LAMC3: variants seen among roughly 807,000 people sequenced by gnomAD.
LAMC3 encodes laminin subunit gamma 3, also known as laminin subunit gamma-3.
LAMC3 carries 128 observed loss-of-function variants against 173.8 expected under a neutral mutation model. The ratio of observed to expected loss-of-function variants is 0.74; its 90% CI spans 0.64 to 0.85. The LOEUF (loss-of-function observed/expected upper bound fraction) is 0.85, where lower values mean the gene tolerates loss of function less well. LAMC3 is among the 40% of genes least tolerant of loss of function. LAMC3 has a pLI of 0.00. For missense variants in LAMC3, 2,022 were observed against 2,156.0 expected (o/e 0.94, Z 1.23); for synonymous variants, 897 against 909.1 (o/e 0.99, Z 0.24).
intron 25 of LAMC3, 30 bp downstream of exon 25, chr9:131,085,753 C>T (rs866312130): frequency 6.2e-7 from 1 of 1,607,326 alleles, no homozygotes; most frequent in Non-Finnish European, 8.5e-7. Flanking sequence ...CAACAGTGGC[C>T]TCCTTCCCTC....
intron 2 of LAMC3, among the ~76,000 whole-genome samples, chr9:131,027,878 G>A (rs774597648): frequency 2.0e-5 from 3 of 152,220 alleles, no homozygotes; most frequent in South Asian, 2.1e-4. Context: ...TTCAGCCCAC[G>A]TAGGTCCACC....
At chr9:131,049,198 G>C in intron 9 of LAMC3, 68 bp downstream of exon 9, 1 of 891,184 alleles carries the variant, frequency 1.1e-6, no homozygotes, top group Non-Finnish European at 1.8e-6. Context: ...ACAACTTGCC[G>C]CATATTAGAG....
chr9:131,053,778 A>G (rs1834343426), intron 11 of LAMC3, among the ~76,000 whole-genome samples: 1 of 150,784 alleles, frequency 6.6e-6, no homozygotes, highest in African/African-American at 2.5e-5. Context: ...GGTTGTAGTG[A>G]GCCAAGATTG....
chr9:131,055,138 T>G (rs1415750872), intron 11 of LAMC3, among the ~76,000 whole-genome samples: 1 of 152,166 alleles, frequency 6.6e-6, no homozygotes, highest in East Asian at 1.9e-4. Flanking sequence ...AGTGTCGCTT[T>G]AGGACAGAGT....
intron 1 of LAMC3, among the ~76,000 whole-genome samples, chr9:131,012,514 C>T (rs869936): frequency 0.27 from 41,275 of 152,236 alleles, 6,559 homozygotes; most frequent in East Asian, 0.63. Flanking sequence ...GGCCGCCCTG[C>T]CTCCTCAAAG....
intron 1 of LAMC3, among the ~76,000 whole-genome samples, chr9:131,011,153 C>T (rs919073479): frequency 1.3e-5 from 2 of 152,170 alleles, no homozygotes; most frequent in Non-Finnish European, 2.9e-5. Context: ...TGAGTACAGC[C>T]GGCAGCCCCA....
Position 131,009,929 on chromosome 9 carries a change from G to C in LAMC3, c.373+342G>C, listed in dbSNP as rs1038030424. Among the ~76,000 whole-genome samples the C allele has an allele frequency of 3.9e-5, 6 of 151,920 alleles. No homozygotes were observed. Among genetic ancestry groups the C allele is most frequent in the African/African-American group, 9.7e-5 (4 of 41,360 alleles). On this transcript the variant is annotated intron_variant, in intron 1 of 27. Transcript: ENST00000361069. The surrounding 1 kb of genome is among the most constrained non-coding windows in gnomAD (Gnocchi z 4.3). Reference sequence around the variant, plus strand: ...AGCACTTTGGGAGGCCGAGGCGGGCGGATCACCTGAGGTCAGGAGTTCGAG... The same window carrying C: ...AGCACTTTGGGAGGCCGAGGCGGGCCGATCACCTGAGGTCAGGAGTTCGAG...
At chr9:131,047,165 C>CTTTTTTTTTTTTTTTTTTTGTTTTTTT (rs398012456) in intron 8 of LAMC3, among the ~76,000 whole-genome samples, 1 of 102,164 alleles carries the variant, frequency 9.8e-6, no homozygotes, top group Non-Finnish European at 1.9e-5. Context: ...CTGAATTCCT[C>CTTTTTTTTTTTTTTTTTTTGTTTTTTT]TTTTTTTTTT....
rs563543150 is a variant in LAMC3 at position 131,010,831 on chromosome 9, TC to T, written c.373+1245del. On this transcript the variant is annotated intron_variant, in intron 1 of 27. Transcript: ENST00000361069. Reference sequence around the variant, plus strand: ...TCTGGAGTCTGGACCCAGCCCCGGTTCTCAGCCCCTGCCCCCACTGCAGGGA... The same window carrying T: ...TCTGGAGTCTGGACCCAGCCCCGGTTTCAGCCCCTGCCCCCACTGCAGGGA... Among the ~76,000 whole-genome samples the T allele has an allele frequency of 1.2e-3, 185 of 152,302 alleles. 1 individual carries two copies. The highest frequency in any genetic ancestry group is 4.2e-3 in the African/African-American group (175 of 41,574).
At chr9:131,090,446 C>T (rs964904950) in intron 27 of LAMC3, among the ~76,000 whole-genome samples, 1 of 152,298 alleles carries the variant, frequency 6.6e-6, no homozygotes, top group African/African-American at 2.4e-5. Context: ...TGCTGTGGGC[C>T]ATGGGGCCTC....
At chr9:131,049,165 G>T (rs1440290461) in intron 9 of LAMC3, 35 bp downstream of exon 9, 8 of 1,266,510 alleles carry the variant, frequency 6.3e-6, no homozygotes, top group African/African-American at 1.5e-5. Flanking sequence ...TGGCCGCCCT[G>T]TGTCGGTTCC....
At chr9:131,073,751 A>G (rs950531279) in intron 20 of LAMC3, among the ~76,000 whole-genome samples, 2 of 151,904 alleles carry the variant, frequency 1.3e-5, no homozygotes, top group South Asian at 4.1e-4. Context: ...CATCATCCCA[A>G]AAACAAACCC....
intron 1 of LAMC3, among the ~76,000 whole-genome samples, chr9:131,021,913 C>T (rs1833632614): frequency 6.6e-6 from 1 of 152,178 alleles, no homozygotes; most frequent in African/African-American, 2.4e-5. Context: ...CGGGAGCTTC[C>T]ATGCCCTCCC....
chr9:131,010,225 T>C (rs1423539804), intron 1 of LAMC3, among the ~76,000 whole-genome samples: 2 of 149,254 alleles, frequency 1.3e-5, no homozygotes, highest in Non-Finnish European at 3.0e-5. Context: ...CTCAAGAGGC[T>C]GAGGCAGGAG....
rs1830035361 is a variant in LAMC3, at chr9:131,071,509, C to T, written c.3095C>T (p.Thr1032Ile). 8 of 1,613,920 alleles carry T rather than the reference C, an allele frequency of 5.0e-6. No homozygotes were observed. The highest frequency in any genetic ancestry group is 6.8e-6 in the Non-Finnish European group (8 of 1,179,914). ...EEAAKLKARLTLTEGWLQGSD... is the reference protein window; with the variant it reads ...EEAAKLKARLILTEGWLQGSD... ...GCAGCCAAGCTGAAGGCCAGACTGA[C>T]TTTGACGGAGGGGTGGCTCCAAGGG... Residue 1032 changes from threonine to isoleucine, a missense_variant, in exon 18 of 28, where the codon ACT becomes ATT. Physicochemically the swap from Thr to Ile is moderately conservative, Grantham distance 89 (BLOSUM62 -1). Transcript: ENST00000361069.
intron 8 of LAMC3, among the ~76,000 whole-genome samples, chr9:131,046,676 T>C (rs1834169051): frequency 6.6e-6 from 1 of 151,694 alleles, no homozygotes; most frequent in Non-Finnish European, 1.5e-5. Flanking sequence ...CCTTAACCGC[T>C]GTGGTGGCCT....
At chr9:131,016,108 G>A (rs1331045072) in intron 1 of LAMC3, among the ~76,000 whole-genome samples, 3 of 152,154 alleles carry the variant, frequency 2.0e-5, no homozygotes, top group African/African-American at 7.2e-5. Context: ...CAGTATAGAC[G>A]AACCCTGAGG....
rs750245538 is a variant in LAMC3 at position 131,032,134 on chromosome 9, G to T, written c.768G>T (p.Gln256His). The change falls in exon 3 of 28, where the codon CAG becomes CAT. Residue 256 changes from glutamine (Q) to histidine (H), a missense_variant. Transcript: ENST00000361069. ...TCTTCAAGGACCCCAAGGTGCTCCA[G>T]TCCTACTATTATGCCGTGTCCGACT... is the stretch of plus-strand genomic sequence containing the variant. ...DDIFKDPKVL[Q>H]SYYYAVSDFS... 2 of 1,613,900 alleles carry T rather than the reference G, an allele frequency of 1.2e-6. No homozygotes were observed. The highest frequency in any genetic ancestry group is 1.7e-6 in the Non-Finnish European group (2 of 1,179,954).
chr9:131,012,992 C>T (rs1403987664), intron 1 of LAMC3, among the ~76,000 whole-genome samples: 1 of 152,252 alleles, frequency 6.6e-6, no homozygotes, highest in Admixed American at 6.5e-5. Context: ...CACCAAGGCC[C>T]AGGGAGGCCA....
Sources: allele counts gnomAD v4.1 joint callset (sites outside exome capture counted in the v4.1 genomes callset), GRCh38; gene constraint gnomAD v4.1.1; non-coding constraint Gnocchi (gnomAD v3.1); transcripts MANE v1.5; gene names NCBI Gene and HGNC (gene_info 2026-07-23, HGNC 2026-07-21).